Variants in KIAA0586 observed in about 807,000 individuals in gnomAD.
The protein encoded by KIAA0586 is protein TALPID3.
KIAA0586 carries 144 observed loss-of-function variants against 169.8 expected under a neutral mutation model. The ratio of observed to expected loss-of-function variants is 0.85; its 90% CI spans 0.74 to 0.97. The LOEUF (loss-of-function observed/expected upper bound fraction) is 0.97. KIAA0586 is among the 50% of genes least tolerant of loss of function. The pLI is 0.00. For synonymous variants in KIAA0586, 625 were observed against 612.4 expected (o/e 1.02, Z -0.30); for missense variants, 1,854 against 1,823.0 (o/e 1.02, Z -0.31).
chr14:58,505,445 G>C (rs2043871618), intron 27 of KIAA0586, among the ~76,000 whole-genome samples: 1 of 152,160 alleles, frequency 6.6e-6, no homozygotes, highest in South Asian at 2.1e-4. Context: ...AGATTGTTGT[G>C]TTTTATATAC....
At chr14:58,540,269 G>T in intron 30 of KIAA0586, 133 bp downstream of exon 30, 1 of 579,226 alleles carries the variant, frequency 1.7e-6, no homozygotes. Context: ...TGTAATATCT[G>T]TAAATTCACC....
intron 26 of KIAA0586, among the ~76,000 whole-genome samples, chr14:58,497,476 C>T (rs1269664077): frequency 2.0e-5 from 3 of 151,628 alleles, no homozygotes; most frequent in African/African-American, 7.3e-5. Flanking sequence ...TTTCCTGCCT[C>T]AGCCTCCCAG....
chr14:58,465,918 G>T lies in KIAA0586; in HGVS notation c.2143G>T (p.Val715Phe). 6.2e-7 allele frequency: 1 copy of T among 1,612,640 alleles called. No individual in the cohort carries two copies. The highest frequency in any genetic ancestry group is 8.5e-7 in the Non-Finnish European group (1 of 1,178,820). The stretch of plus-strand genomic sequence containing the variant: ...GATGGATTCTAAAATGAAACATTCT[G>T]TTCCTGTGTTACCTCATGGCGATCA... ...KKMDSKMKHSVPVLPHGDQQY... is the reference protein window; with the variant it reads ...KKMDSKMKHSFPVLPHGDQQY... Residue 715 changes from valine (V) to phenylalanine (F), a missense_variant, in exon 15 of 31, where the codon GTT (valine) becomes TTT (phenylalanine). Physicochemically the swap from Val to Phe is conservative, Grantham distance 50. Transcript: ENST00000652326.
chr14:58,553,203 G>C (rs888099868), downstream of KIAA0586, among the ~76,000 whole-genome samples: 2 of 152,202 alleles, frequency 1.3e-5, no homozygotes, highest in Non-Finnish European at 2.9e-5. Context: ...GCTGAGTCTA[G>C]AGATATTTGT....
intron 11 of KIAA0586, 50 bp from the exon 12 acceptor site, chr14:58,458,423 C>T (rs911229758): frequency 1.0e-6 from 1 of 986,692 alleles, no homozygotes; most frequent in Non-Finnish European, 1.6e-6. Flanking sequence ...CCAAGTCCTG[C>T]TCAGGACAGT....
At chr14:58,545,976 G>A (rs1555408479) in intron 30 of KIAA0586, among the ~76,000 whole-genome samples, 2 of 152,118 alleles carry the variant, frequency 1.3e-5, no homozygotes, top group Non-Finnish European at 2.9e-5. Context: ...TGAGGCTGCA[G>A]TGAGCCATGA....
Position 58,496,071 on chromosome 14 carries a change from T to C in KIAA0586, c.3991-2712T>C, listed in dbSNP as rs186984437. Among the ~76,000 whole-genome samples, 4 of 152,320 alleles carry C rather than the reference T, an allele frequency of 2.6e-5. No homozygotes were observed. In the South Asian group the frequency reaches 6.2e-4, roughly 24 times the overall value. ...ACTAGTAATATTGATACATTATAAG[T>C]TAAAATATTGCTTTGCTAAGTTGTG... On this transcript the variant is annotated intron_variant, in intron 26 of 30. Transcript: ENST00000652326.
intron 16 of KIAA0586, among the ~76,000 whole-genome samples, chr14:58,468,920 A>G (rs566034447): frequency 6.6e-6 from 1 of 152,320 alleles, no homozygotes; most frequent in African/African-American, 2.4e-5. Flanking sequence ...GCAACTTAGT[A>G]TGCCCTCTGG....
At chr14:58,454,289 C>T (rs1486284120) in intron 9 of KIAA0586, among the ~76,000 whole-genome samples, 1 of 152,146 alleles carries the variant, frequency 6.6e-6, no homozygotes, top group Non-Finnish European at 1.5e-5. Context: ...CAATATTATT[C>T]AGAAACTTTG....
chr14:58,470,584 A>C (rs1290544805), intron 16 of KIAA0586, 29 bp from the exon 17 acceptor site: 2 of 1,322,962 alleles, frequency 1.5e-6, no homozygotes, highest in Admixed American at 1.7e-5. Flanking sequence ...AATGATAAAC[A>C]GAAAGCTGAA....
At position 58,428,375 on chromosome 14, in the gene KIAA0586, A is replaced by C. The variant is rs1289886299; in HGVS notation, c.111A>C (p.Lys37Asn). 1 of 1,614,020 alleles carries C rather than the reference A, an allele frequency of 6.2e-7. No homozygotes were observed. Among genetic ancestry groups the C allele is most frequent in the Non-Finnish European group, 8.5e-7 (1 of 1,179,880 alleles). Residue 37 changes from lysine to asparagine, a missense_variant, in exon 1 of 31, where the codon AAA becomes AAC. Coordinates refer to ENST00000652326, the MANE Select transcript of KIAA0586 (RefSeq NM_001329943.3). ...ATGGAGATCATTTGGTTTTGCTGAAAGATGAGTTGCCCTGTGTTCCTCCGG... is the reference window on the plus strand; with the variant it reads ...ATGGAGATCATTTGGTTTTGCTGAACGATGAGTTGCCCTGTGTTCCTCCGG... ...QNHGDHLVLL[K>N]DELPCVPPAL...
At chr14:58,541,126 G>C (rs1352756619) in intron 30 of KIAA0586, among the ~76,000 whole-genome samples, 1 of 152,180 alleles carries the variant, frequency 6.6e-6, no homozygotes, top group East Asian at 1.9e-4. Context: ...TTAAAGACAA[G>C]ATCTGGTCAG....
At chr14:58,434,193 G>T (rs1182123701) in intron 4 of KIAA0586, among the ~76,000 whole-genome samples, 3 of 152,140 alleles carry the variant, frequency 2.0e-5, no homozygotes, top group Admixed American at 2.0e-4. Context: ...GTGAGAGAAT[G>T]CATGTTAGAA....
chr14:58,489,294 A>G (rs1157043850), intron 24 of KIAA0586, among the ~76,000 whole-genome samples: 2 of 141,182 alleles, frequency 1.4e-5, no homozygotes, highest in East Asian at 2.1e-4. Flanking sequence ...ATCATGGTTC[A>G]CTGCAGCCTC....
At chr14:58,449,659 G>A (rs1413370777) in intron 7 of KIAA0586, among the ~76,000 whole-genome samples, 1 of 152,210 alleles carries the variant, frequency 6.6e-6, no homozygotes, top group Non-Finnish European at 1.5e-5. Context: ...CCTGACTTGG[G>A]AGGGAGGATG....
At chr14:58,431,390 G>C (rs1291693899) in intron 3 of KIAA0586, among the ~76,000 whole-genome samples, 1 of 152,070 alleles carries the variant, frequency 6.6e-6, no homozygotes, top group South Asian at 2.1e-4. Flanking sequence ...AGCCTCCTGA[G>C]TAGCTGGGAT....
chr14:58,476,976 T>C, intron 19 of KIAA0586, 147 bp from the exon 20 acceptor site: 1 of 549,232 alleles, frequency 1.8e-6, no homozygotes, highest in Non-Finnish European at 3.3e-6. Flanking sequence ...TTTTTTCTTC[T>C]AGATTTAACT....
chr14:58,493,854 G>A (rs1246717982), intron 26 of KIAA0586, among the ~76,000 whole-genome samples: 1 of 152,036 alleles, frequency 6.6e-6, no homozygotes, highest in Admixed American at 6.6e-5. Context: ...GAGAGAGAAA[G>A]CGCATGTGCG....
intron 29 of KIAA0586, among the ~76,000 whole-genome samples, chr14:58,537,835 G>A (rs561684769): frequency 6.6e-6 from 1 of 152,210 alleles, no homozygotes; most frequent in East Asian, 1.9e-4. Flanking sequence ...TTTTAGTAGA[G>A]ATGGGGTTTC....
Sources: allele counts gnomAD v4.1 joint callset (sites outside exome capture counted in the v4.1 genomes callset), GRCh38; gene constraint gnomAD v4.1.1; transcripts MANE v1.5; gene names NCBI Gene and HGNC (gene_info 2026-07-23, HGNC 2026-07-21).